The following KIR2DL3 variants were observed in gnomAD, a reference collection of about 807,000 sequenced individuals.
KIR2DL3 encodes the protein killer cell immunoglobulin like receptor, two Ig domains and long cytoplasmic tail 3, also known as killer cell immunoglobulin-like receptor 2DL3.
In KIR2DL3, 39 loss-of-function variants were observed where a neutral mutation model predicts 33.8. The observed-to-expected ratio is 1.15, with a 90% CI of 0.89 to 1.51. The LOEUF is 1.51. Ranked by LOEUF, KIR2DL3 falls within the 40% of genes most tolerant of loss-of-function variation. The pLI is 0.00. For synonymous variants in KIR2DL3, 174 were observed against 160.2 expected (o/e 1.09, Z -0.65); for missense variants, 462 against 426.2 (o/e 1.08, Z -0.74).
intron 4 of KIR2DL3, among the ~76,000 whole-genome samples, chr19:54,744,942 A>T (rs1256902217): frequency 4.1e-5 from 1 of 24,218 alleles, no homozygotes; most frequent in Non-Finnish European, 8.5e-5. Context: ...ATATATATAT[A>T]TATATATATA....
At position 54,743,781 on chromosome 19, in the gene KIR2DL3, C is replaced by T. The variant is rs943320878; in HGVS notation, c.371-14C>T. The T allele has an allele frequency of 1.3e-6, 2 of 1,558,264 alleles. No homozygotes were observed. The highest frequency in any genetic ancestry group is 1.2e-5 in the South Asian group (1 of 86,026). ...GGAAGATCCTCCGTAAGGAAAATGCCTCTTCTCCTCCAGGTCTATATGAGA... is the reference window on the plus strand; with the variant it reads ...GGAAGATCCTCCGTAAGGAAAATGCTTCTTCTCCTCCAGGTCTATATGAGA... On this transcript the variant is annotated splice_polypyrimidine_tract_variant and intron_variant, in intron 3 of 7. Transcript: ENST00000342376.
At chr19:54,745,197 T>A (rs1289121481) in intron 4 of KIR2DL3, among the ~76,000 whole-genome samples, 2 of 152,010 alleles carry the variant, frequency 1.3e-5, no homozygotes, top group Non-Finnish European at 2.9e-5. Flanking sequence ...ATTCATCCAC[T>A]GATGGGCAGG....
Position 54,752,851 on chromosome 19 carries a change from A to G in KIR2DL3, c.*332A>G, listed in dbSNP as rs1049448364. On this transcript the variant is annotated 3_prime_UTR_variant, in exon 8 of 8. Coordinates refer to ENST00000342376, the MANE Select transcript of KIR2DL3 (RefSeq NM_015868.3). ...TCCTAGTCTACTTGAGGCTGCAATC[A>G]CACTGAGGAACTCACAATTCCAAAC... is the stretch of plus-strand genomic sequence containing the variant. The G allele has an allele frequency of 1.3e-5, 6 of 459,190 alleles. No homozygotes were observed. In the Admixed American group the frequency reaches 1.8e-4, roughly 14 times the overall value. The allele number at this position is 459,190 out of a possible 1,614,324, so 28.4% of individuals were successfully genotyped here.
At chr19:54,739,204 A>G (rs2146968272) in intron 1 of KIR2DL3, among the ~76,000 whole-genome samples, 1 of 147,380 alleles carries the variant, frequency 6.8e-6, no homozygotes, top group Admixed American at 6.7e-5. Context: ...CCTGGGGCGG[A>G]GATATGGGAC....
intron 2 of KIR2DL3, among the ~76,000 whole-genome samples, chr19:54,740,299 T>C (rs918830648): frequency 6.6e-6 from 1 of 152,054 alleles, no homozygotes; most frequent in Non-Finnish European, 1.5e-5. Flanking sequence ...GCTGTCTGCC[T>C]GGCCCAGCCT....
At chr19:54,742,531 C>A (rs1371506480) in intron 3 of KIR2DL3, among the ~76,000 whole-genome samples, 1 of 152,064 alleles carries the variant, frequency 6.6e-6, no homozygotes, top group African/African-American at 2.4e-5. Context: ...GACAGACAGA[C>A]AGACATGTCC....
At chr19:54,742,334 G>A (rs1405542631) in intron 3 of KIR2DL3, 55 bp downstream of exon 3, 37 of 1,601,128 alleles carry the variant, frequency 2.3e-5, no homozygotes, top group Non-Finnish European at 2.6e-5. Flanking sequence ...AATGATCCAC[G>A]ACTTGGAACC....
chr19:54,740,923 T>C (rs373197700), intron 2 of KIR2DL3, among the ~76,000 whole-genome samples: 12 of 150,800 alleles, frequency 8.0e-5, no homozygotes, highest in African/African-American at 2.9e-4. Context: ...GCTTTGAAGG[T>C]GGAGGAAGGC....
chr19:54,745,319 A>G (rs1372371244), intron 4 of KIR2DL3, among the ~76,000 whole-genome samples: 1 of 152,030 alleles, frequency 6.6e-6, no homozygotes, highest in African/African-American at 2.4e-5. Flanking sequence ...CCCAGTAGTG[A>G]AATTGCTGGA....
rs556503490 is a variant in KIR2DL3 at position 54,747,609 on chromosome 19, G to C, written c.715+224G>C. Among the ~76,000 whole-genome samples, 202 of 152,276 alleles carry C rather than the reference G, an allele frequency of 1.3e-3. 1 individual carries two copies. The highest frequency in any genetic ancestry group is 4.5e-3 in the African/African-American group (185 of 41,534). Reference sequence around the variant, plus strand: ...TGGAGCTGAGACCTCCTACAAGCTAGAAGAATGATTGCCAATCTGACATCC... The same window carrying C: ...TGGAGCTGAGACCTCCTACAAGCTACAAGAATGATTGCCAATCTGACATCC... On this transcript the variant is annotated intron_variant, in intron 5 of 7. Transcript: ENST00000342376.
At chr19:54,743,216 G>T (rs1336952582) in intron 3 of KIR2DL3, among the ~76,000 whole-genome samples, 12 of 152,192 alleles carry the variant, frequency 7.9e-5, no homozygotes, top group Admixed American at 2.6e-4. Context: ...ATACATAGAT[G>T]ATGATTGATT....
Position 54,741,651 on chromosome 19 carries a change from C to G in KIR2DL3, c.71-329C>G, listed in dbSNP as rs1555896717. Reference sequence around the variant, plus strand: ...AGAGATTGAACCAGGCTGATAAGAGCCTGGATGTGCAGCCTATCCTGGTTC... The same window carrying G: ...AGAGATTGAACCAGGCTGATAAGAGGCTGGATGTGCAGCCTATCCTGGTTC... On this transcript the variant is annotated intron_variant, in intron 2 of 7. Coordinates refer to ENST00000342376, the MANE Select transcript of KIR2DL3 (RefSeq NM_015868.3). Among the ~76,000 whole-genome samples the G allele has an allele frequency of 9.2e-3, 1,392 of 151,822 alleles. 23 individuals carry two copies. Among genetic ancestry groups the G allele is most frequent in the African/African-American group, 0.03 (1,230 of 41,318 alleles).
chr19:54,749,239 C>A (rs1231064000), intron 5 of KIR2DL3, among the ~76,000 whole-genome samples: 287 of 149,424 alleles, frequency 1.9e-3, no homozygotes, highest in African/African-American at 6.7e-3. Flanking sequence ...GTTTGACACT[C>A]ACAGCCATTG....
At chr19:54,748,616 TTTTTGTTTGTTC>T (rs1388280411) in intron 5 of KIR2DL3, among the ~76,000 whole-genome samples, 3 of 147,722 alleles carry the variant, frequency 2.0e-5, no homozygotes, top group Non-Finnish European at 4.5e-5. Context: ...TGAAATCTAT[TTTTTGTTTGTTC>T]TTTTGTTTAT....
In KIR2DL3 at chr19:54,742,130, G is replaced by C. The variant is rs775157107; in HGVS notation, c.221G>C (p.Gly74Ala). 1.2e-6 allele frequency: 2 copies of C among 1,614,020 alleles called. No homozygotes were observed. Among genetic ancestry groups the C allele is most frequent in the East Asian group, 4.5e-5 (2 of 44,872 alleles). The change falls in exon 3 of 8, where the codon GGA becomes GCA. Residue 74 changes from glycine to alanine, a missense_variant. Transcript: ENST00000342376. Reference sequence around the variant, plus strand: ...TTTAAGGACACTTTGCACCTCATTGGAGAGCACCATGATGGGGTCTCCAAG... The same window carrying C: ...TTTAAGGACACTTTGCACCTCATTGCAGAGCACCATGATGGGGTCTCCAAG... ...GKFKDTLHLI[G>A]EHHDGVSKAN... is the part of the protein sequence containing the mutation.
intron 2 of KIR2DL3, among the ~76,000 whole-genome samples, chr19:54,741,019 G>T (rs1600316324): frequency 6.7e-6 from 1 of 150,236 alleles, no homozygotes. Context: ...ACAAAGCCCT[G>T]CAGATGCCTT....
intron 5 of KIR2DL3, among the ~76,000 whole-genome samples, chr19:54,750,426 C>T: frequency 7.0e-6 from 1 of 141,940 alleles, no homozygotes; most frequent in East Asian, 2.0e-4. Context: ...CTCCCGAGAT[C>T]ACAAAGAGTA....
chr19:54,741,602 G>A (rs2071126991), intron 2 of KIR2DL3, among the ~76,000 whole-genome samples: 5 of 151,904 alleles, frequency 3.3e-5, no homozygotes, highest in Non-Finnish European at 5.9e-5. Flanking sequence ...CATACCTTCT[G>A]CCAAGGATTG....
At chr19:54,746,420 G>C (rs1293306066) in intron 4 of KIR2DL3, among the ~76,000 whole-genome samples, 1 of 146,310 alleles carries the variant, frequency 6.8e-6, no homozygotes, top group Non-Finnish European at 1.5e-5. Flanking sequence ...GTCTATTTTT[G>C]CTTCGATTAC....
Sources: allele counts gnomAD v4.1 joint callset (sites outside exome capture counted in the v4.1 genomes callset), GRCh38; gene constraint gnomAD v4.1.1; transcripts MANE v1.5; gene names NCBI Gene and HGNC (gene_info 2026-07-23, HGNC 2026-07-21).